Variants in HOXC5 observed in about 807,000 individuals in gnomAD.
The protein encoded by HOXC5 is homeobox protein Hox-C5.
A neutral mutation model predicts 20.1 loss-of-function variants in HOXC5; 19 were observed. The ratio of observed to expected loss-of-function variants is 0.94; its 90% CI spans 0.66 to 1.38. The LOEUF (loss-of-function observed/expected upper bound fraction) is 1.38, where lower values mean the gene tolerates loss of function less well. Ranked by LOEUF, HOXC5 falls within the 40% of genes most tolerant of loss-of-function variation. HOXC5 has a pLI of 0.00. For missense variants in HOXC5, 330 were observed against 300.1 expected, an observed-to-expected ratio of 1.10 and a Z score of -0.74; for synonymous variants, 124 against 117.0, an observed-to-expected ratio of 1.06 and a Z score of -0.39.
At chr12:54,030,099 G>T, upstream of HOXC5, 1 of 889,008 alleles carries the variant, frequency 1.1e-6, no homozygotes, top group South Asian at 2.0e-5. Flanking sequence ...GGAGTCAAAC[G>T]TGGACCTGAA....
chr12:54,028,519 G>A, upstream of HOXC5: 1 of 1,613,156 alleles, frequency 6.2e-7, no homozygotes, highest in Non-Finnish European at 8.5e-7. Context: ...TAAAGGCAAA[G>A]GGATGAATTC....
At chr12:54,029,990 C>G, upstream of HOXC5, 2 of 1,488,334 alleles carry the variant, frequency 1.3e-6, no homozygotes, top group East Asian at 4.7e-5. Context: ...ACCCCTCTCT[C>G]CCTTTCTCCC....
At chr12:54,033,867 C>G (rs1027457427) in intron 1 of HOXC5, 1 of 406,842 alleles carries the variant, frequency 2.5e-6, no homozygotes, top group African/African-American at 2.2e-5. Context: ...GGCTCCAGAG[C>G]GGGGATCCCC....
upstream of HOXC5, chr12:54,029,676 G>A: frequency 6.2e-7 from 1 of 1,613,608 alleles, no homozygotes; most frequent in Non-Finnish European, 8.5e-7. Context: ...GGAGCGGACC[G>A]GAGGCGCGGC....
rs1245081272 is a variant in HOXC5, at chr12:54,033,336, G to T, written c.214G>T (p.Asp72Tyr). Residue 72 changes from aspartate to tyrosine, a missense_variant, in exon 1 of 2, where the codon GAC (aspartate) becomes TAC (tyrosine). Physicochemically the swap from Asp to Tyr is radical, Grantham distance 160. Coordinates refer to ENST00000312492, the MANE Select transcript of HOXC5 (RefSeq NM_018953.4). ...DMAANPRAHP[D>Y]RPACSAAAAP... ...GGCTGCCAACCCCCGGGCTCACCCC[G>T]ACCGCCCCGCCTGCAGCGCCGCGGC... is the stretch of plus-strand genomic sequence containing the variant. The T allele has an allele frequency of 6.2e-7, 1 of 1,612,860 alleles. No homozygotes were observed. The highest frequency in any genetic ancestry group is 8.5e-7 in the Non-Finnish European group (1 of 1,179,552).
Position 54,034,314 on chromosome 12 carries a change from G to A in HOXC5, c.491G>A (p.Arg164His), listed in dbSNP as rs1941120079. The A allele has an allele frequency of 6.2e-7, 1 of 1,614,100 alleles. No individual in the cohort carries two copies. The highest frequency in any genetic ancestry group is 8.5e-7 in the Non-Finnish European group (1 of 1,180,030). ...DGKRSRTSYT[R>H]YQTLELEKEF... ...AAGCGGTCCCGAACCAGTTACACGC[G>A]CTACCAGACTCTGGAACTCGAGAAA... Residue 164 changes from arginine (R) to histidine (H), a missense_variant, in exon 2 of 2, where the codon CGC (arginine) becomes CAC (histidine). Physicochemically the swap from Arg to His is conservative, Grantham distance 29 (BLOSUM62 0). Transcript: ENST00000312492.
At chr12:54,029,600 C>A, upstream of HOXC5, 1 of 1,560,352 alleles carries the variant, frequency 6.4e-7, no homozygotes, top group South Asian at 1.2e-5. Flanking sequence ...GCGAAACAGT[C>A]TGCAGAGGAC....
At chr12:54,017,842 C>G in the HOXC5 span, among the ~76,000 whole-genome samples, 5 of 152,132 alleles carry the variant, frequency 3.3e-5, no homozygotes, top group African/African-American at 9.7e-5. Context: ...GCCCATTGCC[C>G]CCTAAGCAAA....
upstream of HOXC5, among the ~76,000 whole-genome samples, chr12:54,029,381 C>G (rs929294401): frequency 6.6e-6 from 1 of 150,714 alleles, no homozygotes. Flanking sequence ...AGACTTGCAG[C>G]TTTCTGTTTG....
Position 54,034,582 on chromosome 12 carries a change from C to A in HOXC5, c.*90C>A. 3 of 1,126,870 alleles carry A rather than the reference C, an allele frequency of 2.7e-6. No homozygotes were observed. The highest frequency in any genetic ancestry group is 2.9e-5 in the South Asian group (2 of 70,106). The allele number at this position is 1,126,870 out of a possible 1,614,324, so 69.8% of individuals were successfully genotyped here. A position where few individuals can be genotyped will look rare whatever the true frequency, so the allele number is the denominator to read the frequency against. On this transcript the variant is annotated 3_prime_UTR_variant, in exon 2 of 2. Transcript: ENST00000312492. ...CGCCTTTCCTCTCTATATTTCGGGTCGGGGGCAGGTGCTGGAGCACTGGGC... is the reference window on the plus strand; with the variant it reads ...CGCCTTTCCTCTCTATATTTCGGGTAGGGGGCAGGTGCTGGAGCACTGGGC...
In HOXC5 at chr12:54,035,240, T is replaced by C. The variant is rs554196645; in HGVS notation, c.*748T>C. On this transcript the variant is annotated 3_prime_UTR_variant, in exon 2 of 2. Transcript: ENST00000312492. Reference sequence around the variant, plus strand: ...GTCCTAGAGGCCCTTTGCTGTCCCATAGTCCCTGCCACGAATTTCTGTGCC... The same window carrying C: ...GTCCTAGAGGCCCTTTGCTGTCCCACAGTCCCTGCCACGAATTTCTGTGCC... The C allele has an allele frequency of 6.5e-6, 1 of 152,966 alleles. No individual in the cohort carries two copies. The highest frequency in any genetic ancestry group is 2.1e-4 in the South Asian group (1 of 4,834). The allele number at this position is 152,966 out of a possible 1,614,324, so 9.5% of individuals were successfully genotyped here. A position where few individuals can be genotyped will look rare whatever the true frequency, so the allele number is the denominator to read the frequency against.
At chr12:54,018,937 T>C in the HOXC5 span, among the ~76,000 whole-genome samples, 1 of 152,092 alleles carries the variant, frequency 6.6e-6, no homozygotes, top group African/African-American at 2.4e-5. Context: ...CCCTGACCCG[T>C]CGCCTGTGGG....
the HOXC5 span, among the ~76,000 whole-genome samples, chr12:54,024,588 T>A: frequency 6.6e-6 from 1 of 152,182 alleles, no homozygotes; most frequent in East Asian, 1.9e-4. Context: ...AATTAATATA[T>A]TTCCCAGAGC....
the HOXC5 span, among the ~76,000 whole-genome samples, chr12:54,024,193 C>T: frequency 6.6e-6 from 1 of 152,132 alleles, no homozygotes; most frequent in Non-Finnish European, 1.5e-5. Flanking sequence ...ACAAAAGGGG[C>T]CAGCGGGGCA....
chr12:54,029,328 G>A (rs1035900363), upstream of HOXC5, among the ~76,000 whole-genome samples: 1 of 152,108 alleles, frequency 6.6e-6, no homozygotes, highest in African/African-American at 2.4e-5. Context: ...GAGAAAGGGG[G>A]CCCTCATCCC....
chr12:54,026,973 G>C, the HOXC5 span, among the ~76,000 whole-genome samples: 8 of 140,810 alleles, frequency 5.7e-5, no homozygotes, highest in East Asian at 9.1e-4. Flanking sequence ...GTGGGGGGGG[G>C]GGGATATGAG....
At chr12:54,026,986 T>C in the HOXC5 span, among the ~76,000 whole-genome samples, 2 of 151,502 alleles carry the variant, frequency 1.3e-5, no homozygotes, top group Non-Finnish European at 2.9e-5. Context: ...GATATGAGCT[T>C]TCTCTGCTCC....
the HOXC5 span, among the ~76,000 whole-genome samples, chr12:54,017,716 T>A: frequency 6.6e-6 from 1 of 152,188 alleles, no homozygotes; most frequent in Non-Finnish European, 1.5e-5. Context: ...AGCTCTCTGC[T>A]GCCCACTGTG....
chr12:54,031,896 C>G (rs1941002349), upstream of HOXC5, among the ~76,000 whole-genome samples: 2 of 152,202 alleles, frequency 1.3e-5, no homozygotes, highest in Non-Finnish European at 2.9e-5. Context: ...CTCTTGGTAG[C>G]TCAGAAATTG....
Sources: allele counts gnomAD v4.1 joint callset (sites outside exome capture counted in the v4.1 genomes callset), GRCh38; gene constraint gnomAD v4.1.1; transcripts MANE v1.5; gene names NCBI Gene and HGNC (gene_info 2026-07-23, HGNC 2026-07-21).